Variants in KDM2A observed in about 807,000 individuals in gnomAD.
The protein encoded by KDM2A is lysine demethylase 2A.
Under a neutral mutation model 137.3 loss-of-function variants are expected in KDM2A, and 3 were observed. The observed-to-expected ratio is 0.02, with a 90% CI of 0.01 to 0.06. The LOEUF (loss-of-function observed/expected upper bound fraction) is 0.06, where lower values mean the gene tolerates loss of function less well. KDM2A is among the 10% of genes least tolerant of loss of function. KDM2A has a pLI of 1.00. For missense variants in KDM2A, 738 were observed against 1,510.6 expected (o/e 0.49, Z 8.48); for synonymous variants, 512 against 541.5 (o/e 0.95, Z 0.76).
intron 5 of KDM2A, chr11:67,196,210 G>A (rs140639424): frequency 8.8e-6 from 4 of 454,440 alleles, no homozygotes; most frequent in Admixed American, 2.4e-5. Flanking sequence ...CATGGTGCAC[G>A]AGCAGGGGCT....
intron 15 of KDM2A, among the ~76,000 whole-genome samples, chr11:67,247,067 ATATATTTTTTT>A (rs1859260236): frequency 3.6e-5 from 1 of 27,514 alleles, no homozygotes; most frequent in African/African-American, 1.5e-4. Flanking sequence ...ATATATATAT[ATATATTTTTTT>A]TTTTTTTTTT....
rs574840899 is a variant in KDM2A, at chr11:67,168,241, G to C, written c.43-11838G>C. On this transcript the variant is annotated intron_variant, in intron 2 of 20. Transcript: ENST00000529006. ...AACACAGTCTGTATCTATGGTCTTT[G>C]GAACTTGGTAGATGTCCAGTGAAGT... Among the ~76,000 whole-genome samples the C allele has an allele frequency of 1.5e-3, 226 of 152,100 alleles. 1 individual carries two copies. The highest frequency in any genetic ancestry group is 5.3e-3 in the African/African-American group (220 of 41,488).
chr11:67,121,332 G>C lies in KDM2A; in HGVS notation c.16G>C (p.Glu6Gln). The C allele has an allele frequency of 6.2e-7, 1 of 1,613,840 alleles. No individual in the cohort carries two copies. The highest frequency in any genetic ancestry group is 1.1e-5 in the South Asian group (1 of 91,066). Residue 6 changes from glutamate (E) to glutamine (Q), a missense_variant, in exon 2 of 21, where the codon GAA (glutamate) becomes CAA (glutamine). This residue lies in a region of KDM2A where 74 missense variants were observed against 181.8 expected (regional missense o/e 0.41). Transcript: ENST00000529006. Reference protein sequence around the residue: MEPEEERIRYSQRLRG... With the variant: MEPEEQRIRYSQRLRG... Reference sequence around the variant, plus strand: ...AGAGTGAGAGATGGAACCCGAAGAAGAAAGGATTCGTTACAGCCAGAGATT... The same window carrying C: ...AGAGTGAGAGATGGAACCCGAAGAACAAAGGATTCGTTACAGCCAGAGATT...
chr11:67,154,596 T>A (rs150566463), intron 2 of KDM2A, among the ~76,000 whole-genome samples: 185 of 152,042 alleles, frequency 1.2e-3, no homozygotes, highest in African/African-American at 4.1e-3. Flanking sequence ...CACACCTGGC[T>A]AATTTTTTCT....
At chr11:67,210,257 G>A (rs1857939195) in intron 6 of KDM2A, among the ~76,000 whole-genome samples, 1 of 151,908 alleles carries the variant, frequency 6.6e-6, no homozygotes, top group Admixed American at 6.6e-5. Context: ...AGCTACTCAG[G>A]GGGTTGAGGC....
At chr11:67,145,885 T>G (rs1330392741) in intron 2 of KDM2A, among the ~76,000 whole-genome samples, 6 of 152,020 alleles carry the variant, frequency 3.9e-5, no homozygotes, top group Non-Finnish European at 1.5e-5. Context: ...TGGGAATTTT[T>G]TTTTTTTTAA....
At chr11:67,251,115 TTCC>T (rs570931366) in intron 17 of KDM2A, among the ~76,000 whole-genome samples, 209 of 152,190 alleles carry the variant, frequency 1.4e-3, no homozygotes, top group African/African-American at 4.7e-3. Flanking sequence ...GGCTGAAAAT[TTCC>T]TCCTCAAGTC....
At chr11:67,235,144 C>CA (rs963893914) in intron 12 of KDM2A, among the ~76,000 whole-genome samples, 8,691 of 63,288 alleles carry the variant, frequency 0.14, 1,222 homozygotes, top group African/African-American at 0.38. Flanking sequence ...GACTCCATCT[C>CA]AAAAAAAAAA....
rs1280175491 is a variant in KDM2A at position 67,250,726 on chromosome 11, T to G, written c.2696T>G (p.Met899Arg). ...DESWMQREVW[M>R]SVFRYLSRRE... Reference sequence around the variant, plus strand: ...AGCTGGATGCAGCGGGAGGTCTGGATGTCTGTCTTCCGCTACCTCAGCCGC... The same window carrying G: ...AGCTGGATGCAGCGGGAGGTCTGGAGGTCTGTCTTCCGCTACCTCAGCCGC... The change falls in exon 17 of 21, where the codon ATG becomes AGG. Residue 899 changes from methionine to arginine, a missense_variant. This residue lies in a region of KDM2A where 244 missense variants were observed against 324.6 expected (regional missense o/e 0.75). Coordinates refer to ENST00000529006, the MANE Select transcript of KDM2A (RefSeq NM_012308.3). The surrounding 1 kb of genome is among the most constrained non-coding windows in gnomAD (Gnocchi z 7.1). The G allele has an allele frequency of 6.4e-7, 1 of 1,568,736 alleles. No homozygotes were observed. The highest frequency in any genetic ancestry group is 8.6e-7 in the Non-Finnish European group (1 of 1,156,730).
chr11:67,190,625 G>A (rs934991019), intron 5 of KDM2A, among the ~76,000 whole-genome samples: 1 of 151,858 alleles, frequency 6.6e-6, no homozygotes, highest in Non-Finnish European at 1.5e-5. Context: ...GCTGGACATG[G>A]TTGCATGTTC....
chr11:67,241,871 C>G (rs886112502), intron 12 of KDM2A, among the ~76,000 whole-genome samples: 1 of 152,138 alleles, frequency 6.6e-6, no homozygotes, highest in Non-Finnish European at 1.5e-5. Context: ...GAGTTCGAGA[C>G]CAGCCTGGCC....
intron 9 of KDM2A, 143 bp downstream of exon 9, chr11:67,218,027 G>A: frequency 1.3e-6 from 1 of 773,770 alleles, no homozygotes; most frequent in Non-Finnish European, 2.0e-6. Flanking sequence ...TGGAATAGAT[G>A]CTGAGGTTTT....
chr11:67,164,567 A>G (rs1302419976), intron 2 of KDM2A, among the ~76,000 whole-genome samples: 1 of 150,236 alleles, frequency 6.7e-6, no homozygotes, highest in Non-Finnish European at 1.5e-5. Context: ...ATCCTCTACC[A>G]TGGCCTCCTA....
intron 12 of KDM2A, chr11:67,240,130 G>T (rs1858983780): frequency 2.8e-6 from 4 of 1,406,224 alleles, no homozygotes; most frequent in Admixed American, 2.9e-5. Flanking sequence ...GAGCTGAAGG[G>T]CTCGAGAAGG....
intron 2 of KDM2A, among the ~76,000 whole-genome samples, chr11:67,139,657 G>A (rs1289210473): frequency 6.6e-6 from 1 of 151,924 alleles, no homozygotes; most frequent in Non-Finnish European, 1.5e-5. Flanking sequence ...AGTATTACAG[G>A]CATGAGCCAC....
rs1463627311 is a variant in KDM2A, at chr11:67,257,993, C to T, written c.*2938C>T. 6.6e-6 allele frequency: 1 copy of T among 152,070 alleles called. No homozygotes were observed. The highest frequency in any genetic ancestry group is 1.5e-5 in the Non-Finnish European group (1 of 68,014). 9.4% of individuals were successfully genotyped at this position (152,070 alleles called of 1,614,324 possible). ...TTTTAAAAGACAAAAAAAGAAATAG[C>T]CTCCAATGGGAAATATTTTAATTTA... On this transcript the variant is annotated 3_prime_UTR_variant, in exon 21 of 21. Coordinates refer to ENST00000529006, the MANE Select transcript of KDM2A (RefSeq NM_012308.3).
At chr11:67,180,612 A>G (rs1375845939) in intron 3 of KDM2A, among the ~76,000 whole-genome samples, 1 of 152,108 alleles carries the variant, frequency 6.6e-6, no homozygotes, top group Non-Finnish European at 1.5e-5. Flanking sequence ...CAAACTGACA[A>G]GGATGTCATA....
chr11:67,128,554 A>G (rs1855783064), intron 2 of KDM2A, among the ~76,000 whole-genome samples: 1 of 152,140 alleles, frequency 6.6e-6, no homozygotes, highest in South Asian at 2.1e-4. Context: ...AATGTAGGAA[A>G]AACTTGACCA....
At chr11:67,204,584 T>A (rs1293264943) in intron 5 of KDM2A, among the ~76,000 whole-genome samples, 1 of 151,694 alleles carries the variant, frequency 6.6e-6, no homozygotes, top group Non-Finnish European at 1.5e-5. Context: ...CTCCGCCTCC[T>A]GGGTTCATGC....
Sources: allele counts gnomAD v4.1 joint callset (sites outside exome capture counted in the v4.1 genomes callset), GRCh38; gene constraint gnomAD v4.1.1; regional missense constraint gnomAD v4.1.1; non-coding constraint Gnocchi (gnomAD v3.1); transcripts MANE v1.5; gene names NCBI Gene and HGNC (gene_info 2026-07-23, HGNC 2026-07-21).